The following GPC5 variants were observed in gnomAD, a reference collection of about 807,000 sequenced individuals.
The protein encoded by GPC5 is glypican-5.
A neutral mutation model predicts 53.9 loss-of-function variants in GPC5; 47 were observed. The ratio of observed to expected loss-of-function variants is 0.87; its 90% CI spans 0.69 to 1.11. The LOEUF (loss-of-function observed/expected upper bound fraction) is 1.11, where lower values mean the gene tolerates loss of function less well. GPC5 is among the 50% of genes most tolerant of loss of function. The probability of loss-of-function intolerance (pLI) is 0.00; values close to 1 mark genes in which losing one functional copy is unlikely to be tolerated. For synonymous variants in GPC5, 286 were observed against 263.3 expected (o/e 1.09, Z -0.84); for missense variants, 748 against 713.1 (o/e 1.05, Z -0.56).
chr13:92,829,467 G>T (rs1159920889), intron 7 of GPC5, among the ~76,000 whole-genome samples: 1 of 152,160 alleles, frequency 6.6e-6, no homozygotes, highest in African/African-American at 2.4e-5. Flanking sequence ...TAGTCATGGA[G>T]TTAAATCTCA....
chr13:92,195,107 G>T (rs965021656), intron 7 of GPC5, among the ~76,000 whole-genome samples: 2 of 152,152 alleles, frequency 1.3e-5, no homozygotes, highest in Admixed American at 1.3e-4. Flanking sequence ...AAGCCACTAA[G>T]ACTGCATGGC....
At chr13:92,277,423 G>T (rs2042883917) in intron 7 of GPC5, among the ~76,000 whole-genome samples, 1 of 151,976 alleles carries the variant, frequency 6.6e-6, no homozygotes, top group Admixed American at 6.6e-5. Context: ...CATAATTACA[G>T]CAATGAGTAT....
At chr13:91,889,077 C>T (rs1198828732) in intron 5 of GPC5, among the ~76,000 whole-genome samples, 2 of 152,124 alleles carry the variant, frequency 1.3e-5, no homozygotes, top group African/African-American at 2.4e-5. Context: ...AACTGTGTGC[C>T]CAGGCCAGAC....
At chr13:92,577,380 A>C (rs1883219580) in intron 7 of GPC5, among the ~76,000 whole-genome samples, 1 of 151,880 alleles carries the variant, frequency 6.6e-6, no homozygotes, top group African/African-American at 2.4e-5. Context: ...AGCTAGATAG[A>C]TAAACATCGA....
At chr13:92,160,084 C>G (rs1212553492) in intron 7 of GPC5, among the ~76,000 whole-genome samples, 1 of 151,840 alleles carries the variant, frequency 6.6e-6, no homozygotes. Context: ...TGCATTTTTA[C>G]TAAATACAAA....
intron 1 of GPC5, among the ~76,000 whole-genome samples, chr13:91,441,965 C>T (rs939476453): frequency 5.3e-5 from 8 of 152,086 alleles, no homozygotes; most frequent in African/African-American, 1.9e-4. Context: ...TCTATGTCTA[C>T]CATCAATAAA....
At chr13:92,155,867 TCATTTTAGTC>T (rs1053530295) in intron 7 of GPC5, among the ~76,000 whole-genome samples, 1 of 152,198 alleles carries the variant, frequency 6.6e-6, no homozygotes, top group Non-Finnish European at 1.5e-5. Context: ...GTGCTATATC[TCATTTTAGTC>T]TGTTTTTGAA....
intron 7 of GPC5, among the ~76,000 whole-genome samples, chr13:92,434,196 T>C (rs1309374483): frequency 6.6e-6 from 1 of 152,114 alleles, no homozygotes; most frequent in Non-Finnish European, 1.5e-5. Flanking sequence ...GCAGGGTTAT[T>C]CACAGTGGCC....
intron 2 of GPC5, among the ~76,000 whole-genome samples, chr13:91,640,941 G>A (rs1441619033): frequency 6.6e-6 from 1 of 152,172 alleles, no homozygotes; most frequent in Non-Finnish European, 1.5e-5. Context: ...GGAATACTAT[G>A]CAGCCATAAA....
At chr13:91,868,609 A>G (rs1194155426) in intron 5 of GPC5, among the ~76,000 whole-genome samples, 2 of 152,064 alleles carry the variant, frequency 1.3e-5, no homozygotes, top group African/African-American at 4.8e-5. Flanking sequence ...GGAGGCTGAC[A>G]AGGGAGGATC....
At chr13:91,456,071 C>T (rs1881522605) in intron 2 of GPC5, among the ~76,000 whole-genome samples, 1 of 152,082 alleles carries the variant, frequency 6.6e-6, no homozygotes, top group Admixed American at 6.6e-5. Flanking sequence ...GTGATACTCT[C>T]CTCTCCTCCC....
At chr13:92,043,798 A>G (rs2040960264) in intron 6 of GPC5, among the ~76,000 whole-genome samples, 1 of 152,198 alleles carries the variant, frequency 6.6e-6, no homozygotes, top group South Asian at 2.1e-4. Context: ...GTTTTAATTG[A>G]TAGGGTAGGA....
At chr13:92,328,348 A>C (rs1297416441) in intron 7 of GPC5, among the ~76,000 whole-genome samples, 1 of 152,156 alleles carries the variant, frequency 6.6e-6, no homozygotes, top group Admixed American at 6.6e-5. Flanking sequence ...AAGGGAGAAA[A>C]ATGCAAACAA....
chr13:91,872,054 G>A (rs1395056652), intron 5 of GPC5, among the ~76,000 whole-genome samples: 1 of 152,054 alleles, frequency 6.6e-6, no homozygotes, highest in East Asian at 1.9e-4. Flanking sequence ...CAGAGAGACT[G>A]CCAAGGTGTG....
At chr13:92,495,835 C>T (rs556707826) in intron 7 of GPC5, among the ~76,000 whole-genome samples, 3 of 152,054 alleles carry the variant, frequency 2.0e-5, no homozygotes, top group Non-Finnish European at 4.4e-5. Context: ...TGTGTAAACC[C>T]CAGCCTCTCA....
chr13:92,339,060 G>C (rs2043345496), intron 7 of GPC5, among the ~76,000 whole-genome samples: 1 of 151,862 alleles, frequency 6.6e-6, no homozygotes, highest in Non-Finnish European at 1.5e-5. Flanking sequence ...AAAAAAATAA[G>C]TATTAAGTGA....
At chr13:92,666,082 A>G (rs1886555085) in intron 7 of GPC5, among the ~76,000 whole-genome samples, 1 of 152,220 alleles carries the variant, frequency 6.6e-6, no homozygotes, top group Admixed American at 6.5e-5. Context: ...TATATTGAAA[A>G]AATAAGTTAC....
intron 2 of GPC5, among the ~76,000 whole-genome samples, chr13:91,617,737 G>A (rs563525913): frequency 6.6e-6 from 1 of 151,990 alleles, no homozygotes; most frequent in African/African-American, 2.4e-5. Context: ...GAACAAAACA[G>A]GAAAAGTCTT....
At chr13:92,436,667 G>C (rs1877317592) in intron 7 of GPC5, among the ~76,000 whole-genome samples, 1 of 152,042 alleles carries the variant, frequency 6.6e-6, no homozygotes, top group African/African-American at 2.4e-5. Context: ...TTGAAATGTT[G>C]TATTCAAACC....
Sources: allele counts gnomAD v4.1 joint callset (sites outside exome capture counted in the v4.1 genomes callset), GRCh38; gene constraint gnomAD v4.1.1; transcripts MANE v1.5; gene names NCBI Gene and HGNC (gene_info 2026-07-23, HGNC 2026-07-21).